CFAP77: variants seen among roughly 807,000 people sequenced by gnomAD.
CFAP77 encodes the protein cilia- and flagella-associated protein 77.
Under a neutral mutation model 31.1 loss-of-function variants are expected in CFAP77, and 25 were observed. The ratio of observed to expected loss-of-function variants is 0.80; its 90% CI spans 0.59 to 1.12. CFAP77 has a LOEUF of 1.12. Among genes scored for constraint, CFAP77 ranks in the 50% most tolerant of loss-of-function variants. The pLI is 0.00. For synonymous variants in CFAP77, 151 were observed against 159.9 expected, an observed-to-expected ratio of 0.94 and a Z score of 0.42; for missense variants, 377 against 397.3, an observed-to-expected ratio of 0.95 and a Z score of 0.44.
intron 5 of CFAP77, among the ~76,000 whole-genome samples, chr9:132,567,364 G>T (rs1446292757): frequency 6.6e-6 from 1 of 152,236 alleles, no homozygotes; most frequent in East Asian, 1.9e-4. Context: ...ATGGATGAAT[G>T]CTTCTGCTTC....
At chr9:132,445,603 C>T (rs1352176736) in intron 1 of CFAP77, among the ~76,000 whole-genome samples, 1 of 152,020 alleles carries the variant, frequency 6.6e-6, no homozygotes, top group Non-Finnish European at 1.5e-5. Flanking sequence ...CGCGGTGGCT[C>T]ACGCCTGTAA....
intron 1 of CFAP77, among the ~76,000 whole-genome samples, chr9:132,449,664 C>T (rs1025809270): frequency 2.0e-5 from 3 of 152,126 alleles, no homozygotes; most frequent in African/African-American, 7.2e-5. Flanking sequence ...CTTTTGTGGG[C>T]ATATATTTTC....
At chr9:132,418,465 TAATGCAAAGACTCTAGA>T (rs1564197191) in intron 1 of CFAP77, among the ~76,000 whole-genome samples, 1 of 152,248 alleles carries the variant, frequency 6.6e-6, no homozygotes, top group Admixed American at 6.5e-5. Context: ...TCTTGTAACC[TAATGCAAAGACTCTAGA>T]AATGAGCCGG....
At position 132,539,462 on chromosome 9, in the gene CFAP77, T is replaced by G. The variant is rs1304095006; in HGVS notation, c.630+1756T>G. 6.6e-6 allele frequency among the ~76,000 whole-genome samples: 1 copy of G among 152,198 alleles called. No individual in the cohort carries two copies. The highest frequency in any genetic ancestry group is 1.5e-5 in the Non-Finnish European group (1 of 68,036). ...TAGGGCTCAGAGAGATGAAGTGATT[T>G]GCCAACAGTGTCAGACCTAGGTGTG... On this transcript the variant is annotated intron_variant, in intron 4 of 5. Transcript: ENST00000393216. The surrounding 1 kb of genome is among the most constrained non-coding windows in gnomAD (Gnocchi z 4.3).
chr9:132,449,639 A>G (rs1334899503), intron 1 of CFAP77, among the ~76,000 whole-genome samples: 4 of 152,168 alleles, frequency 2.6e-5, no homozygotes, highest in Non-Finnish European at 5.9e-5. Flanking sequence ...ATAACCTGTG[A>G]TTTCCAGACA....
chr9:132,570,777 T>C (rs1050260713), intron 5 of CFAP77, among the ~76,000 whole-genome samples: 4 of 152,114 alleles, frequency 2.6e-5, no homozygotes, highest in African/African-American at 9.7e-5. Flanking sequence ...CCTCAGCAAG[T>C]GAGGTGTAGG....
chr9:132,537,774 C>G, intron 4 of CFAP77, 68 bp downstream of exon 4: 1 of 1,209,130 alleles, frequency 8.3e-7, no homozygotes. Context: ...CTGGCCAGGG[C>G]CAAGCATCGA....
chr9:132,557,132 T>C (rs543198997), intron 5 of CFAP77, among the ~76,000 whole-genome samples: 80 of 152,272 alleles, frequency 5.3e-4, no homozygotes, highest in African/African-American at 1.8e-3. Flanking sequence ...CTGGGGTGTG[T>C]GTGTGCAGGG....
In CFAP77 at chr9:132,506,446, G is replaced by GGCGGGGAGGGGAGGA. The variant is rs540847042; in HGVS notation, c.524+6849_524+6863dup. Reference sequence around the variant, plus strand: ...CTGTCGATTATGATGAGTCAGGGATGGCGGGGAGGGGAGGAGCAGGGAGGG... The same window carrying GGCGGGGAGGGGAGGA: ...CTGTCGATTATGATGAGTCAGGGATGGCGGGGAGGGGAGGAGCGGGGAGGGGAGGAGCAGGGAGGG... On this transcript the variant is annotated intron_variant, in intron 3 of 5. Transcript: ENST00000393216. Among the ~76,000 whole-genome samples, 58 of 152,216 alleles carry GGCGGGGAGGGGAGGA rather than the reference G, an allele frequency of 3.8e-4. No homozygotes were observed. In the South Asian group the frequency reaches 0.012, roughly 31 times the overall value.
At chr9:132,469,138 C>CT (rs561863085) in intron 1 of CFAP77, among the ~76,000 whole-genome samples, 88 of 152,254 alleles carry the variant, frequency 5.8e-4, no homozygotes, top group African/African-American at 2.1e-3. Flanking sequence ...GGACCCAGCA[C>CT]TTGCCAGGGT....
At chr9:132,507,434 A>G (rs506402) in intron 3 of CFAP77, among the ~76,000 whole-genome samples, 4,958 of 152,308 alleles carry the variant, frequency 0.033, 254 homozygotes, top group African/African-American at 0.11. Flanking sequence ...AAGAAACATC[A>G]GATAAGCGGG....
intron 3 of CFAP77, among the ~76,000 whole-genome samples, chr9:132,531,585 C>T (rs917886479): frequency 1.4e-5 from 2 of 146,146 alleles, no homozygotes; most frequent in Middle Eastern, 3.4e-3. Flanking sequence ...CTGGAAGGGA[C>T]CTGCGGCCCG....
chr9:132,431,044 C>T lies in CFAP77; in HGVS notation c.195+20578C>T, dbSNP rs540359806. On this transcript the variant is annotated intron_variant, in intron 1 of 5. Coordinates refer to ENST00000393216, the MANE Select transcript of CFAP77 (RefSeq NM_001282957.2). Reference sequence around the variant, plus strand: ...GAACCAGAAGACAGAATTGGAGCAACCACCATCACTGGAAGGTGAGGGAAG... The same window carrying T: ...GAACCAGAAGACAGAATTGGAGCAATCACCATCACTGGAAGGTGAGGGAAG... Among the ~76,000 whole-genome samples the T allele has an allele frequency of 2.6e-5, 4 of 152,276 alleles. No individual in the cohort carries two copies. The East Asian group carries it at 5.8e-4, about 22-fold the overall frequency.
At chr9:132,551,639 A>C (rs1159315607) in intron 5 of CFAP77, among the ~76,000 whole-genome samples, 1 of 152,286 alleles carries the variant, frequency 6.6e-6, no homozygotes, top group East Asian at 1.9e-4. Flanking sequence ...CATGTCAATA[A>C]CTCTCAATAA....
At chr9:132,570,223 C>G (rs557466717) in intron 5 of CFAP77, among the ~76,000 whole-genome samples, 1 of 152,188 alleles carries the variant, frequency 6.6e-6, no homozygotes, top group Non-Finnish European at 1.5e-5. Context: ...GACATTTTTC[C>G]GAAACATTGA....
At chr9:132,560,477 T>TGTTC (rs1428001809) in intron 5 of CFAP77, among the ~76,000 whole-genome samples, 1 of 152,234 alleles carries the variant, frequency 6.6e-6, no homozygotes, top group Non-Finnish European at 1.5e-5. Flanking sequence ...ACAGCTTCAT[T>TGTTC]GTTCAATTTT....
chr9:132,550,410 G>A (rs780963387), intron 5 of CFAP77, among the ~76,000 whole-genome samples: 2 of 151,750 alleles, frequency 1.3e-5, no homozygotes, highest in African/African-American at 2.4e-5. Flanking sequence ...TTCTTCTTCC[G>A]ACTTCTAGCT....
rs545851266 is a variant in CFAP77 at position 132,472,084 on chromosome 9, TC to T, written c.196-26605del. ...CAGCACCTGTGCAGACCTTTGCAGA[TC>T]CCCCCGCCGCCCCCATGATTCCATC... On this transcript the variant is annotated intron_variant, in intron 1 of 5. Transcript: ENST00000393216. 1.9e-4 allele frequency among the ~76,000 whole-genome samples: 29 copies of T among 152,158 alleles called. No individual in the cohort carries two copies. The South Asian group carries it at 5.4e-3, about 28-fold the overall frequency.
At chr9:132,456,849 C>G (rs1226066414) in intron 1 of CFAP77, among the ~76,000 whole-genome samples, 2 of 152,026 alleles carry the variant, frequency 1.3e-5, no homozygotes, top group Non-Finnish European at 2.9e-5. Context: ...CTCCTGGGCT[C>G]AAGCGATTCT....
Sources: allele counts gnomAD v4.1 joint callset (sites outside exome capture counted in the v4.1 genomes callset), GRCh38; gene constraint gnomAD v4.1.1; non-coding constraint Gnocchi (gnomAD v3.1); transcripts MANE v1.5; gene names NCBI Gene and HGNC (gene_info 2026-07-23, HGNC 2026-07-21).